DNAI3: variants seen among roughly 807,000 people sequenced by gnomAD.
DNAI3 encodes dynein axonemal intermediate chain 3, also known as WD repeat domain 63.
Under a neutral mutation model 115.5 loss-of-function variants are expected in DNAI3, and 83 were observed. The observed-to-expected ratio is 0.72, with a 90% confidence interval of 0.60 to 0.86. DNAI3 has a LOEUF of 0.86. Among genes scored for constraint, DNAI3 ranks in the 40% least tolerant of loss-of-function variants. The probability of loss-of-function intolerance (pLI) is 0.00; values close to 1 mark genes in which losing one functional copy is unlikely to be tolerated. For missense variants in DNAI3, 1,004 were observed against 1,075.8 expected (o/e 0.93, Z 0.93); for synonymous variants, 320 against 347.0 (o/e 0.92, Z 0.86).
At position 85,124,210 on chromosome 1, in the gene DNAI3, G is replaced by A. The variant is rs1453787103; in HGVS notation, c.2071G>A (p.Val691Ile). The A allele has an allele frequency of 1.2e-6, 2 of 1,613,792 alleles. No individual in the cohort carries two copies. ...TTTCTACAACGACATTATTCTCACG[G>A]TTGGAGGTTGGAACGTGGCCATATG... ...SPFYNDIILTVGGWNVAIWKE... is the reference protein window; with the variant it reads ...SPFYNDIILTIGGWNVAIWKE... The change falls in exon 19 of 23, where the codon GTT becomes ATT. Residue 691 changes from valine (V) to isoleucine (I), a missense_variant. Physicochemically the swap from Val to Ile is conservative, Grantham distance 29. Coordinates refer to ENST00000294664, the MANE Select transcript of DNAI3 (RefSeq NM_145172.5).
chr1:85,071,470 C>T (rs897237126), intron 1 of DNAI3, among the ~76,000 whole-genome samples: 12 of 152,282 alleles, frequency 7.9e-5, no homozygotes, highest in African/African-American at 1.4e-4. Context: ...AGCTCAATTA[C>T]GTTAATTTAA....
chr1:85,121,646 T>C, intron 17 of DNAI3, 105 bp from the exon 18 acceptor site: 1 of 1,017,430 alleles, frequency 9.8e-7, no homozygotes, highest in Non-Finnish European at 1.5e-6. Flanking sequence ...ATTGACTTGT[T>C]GTTTTGCATT....
chr1:85,117,523 T>C (rs1274351836), intron 16 of DNAI3, among the ~76,000 whole-genome samples: 1 of 152,214 alleles, frequency 6.6e-6, no homozygotes, highest in African/African-American at 2.4e-5. Context: ...AGCTATAATA[T>C]AGCACAGTCA....
chr1:85,064,274 A>G (rs1264090963), intron 1 of DNAI3, among the ~76,000 whole-genome samples: 1 of 152,152 alleles, frequency 6.6e-6, no homozygotes, highest in East Asian at 1.9e-4. Flanking sequence ...AGGGCTTGGA[A>G]TTCAGAAGAT....
chr1:85,084,785 G>T, intron 6 of DNAI3, 90 bp downstream of exon 6: 1 of 1,225,704 alleles, frequency 8.2e-7, no homozygotes, highest in Non-Finnish European at 1.1e-6. Context: ...TACTGTGTTT[G>T]CTATGGAGGC....
chr1:85,123,450 G>A (rs1340845946), intron 18 of DNAI3, among the ~76,000 whole-genome samples: 1 of 152,092 alleles, frequency 6.6e-6, no homozygotes, highest in Non-Finnish European at 1.5e-5. Flanking sequence ...GATTGCTGTC[G>A]GGGGTGCCTT....
intron 5 of DNAI3, among the ~76,000 whole-genome samples, chr1:85,084,241 C>G (rs1315791181): frequency 2.3e-5 from 2 of 85,696 alleles, no homozygotes; most frequent in African/African-American, 4.4e-5. Flanking sequence ...ATATATATAT[C>G]AGCAGTGTGT....
rs547962025 is a variant in DNAI3, at chr1:85,132,658, G to C, written c.2533-197G>C. Among the ~76,000 whole-genome samples, 5 of 152,188 alleles carry C rather than the reference G, an allele frequency of 3.3e-5. No individual in the cohort carries two copies. The South Asian group carries it at 6.2e-4, about 19-fold the overall frequency. ...TTGAGAGACAGTGGTTGGGGACCAT[G>C]TTTCCCCCCACTCCCTCCTTTCCCA... is the stretch of plus-strand genomic sequence containing the variant. On this transcript the variant is annotated intron_variant, in intron 22 of 22. Coordinates refer to ENST00000294664, the MANE Select transcript of DNAI3 (RefSeq NM_145172.5).
At chr1:85,066,390 T>C (rs1654097921) in intron 1 of DNAI3, among the ~76,000 whole-genome samples, 1 of 128,632 alleles carries the variant, frequency 7.8e-6, no homozygotes, top group South Asian at 2.7e-4. Flanking sequence ...TGGCATGACC[T>C]CGGCTCACTG....
Position 85,081,264 on chromosome 1 carries a change from C to T in DNAI3, c.134C>T (p.Thr45Ile). The stretch of plus-strand genomic sequence containing the variant: ...CCAGAAATTTATCCTTTAGTATTAA[C>T]CACCAAGACCCAAGAAATATTTAAC... ...GHPEIYPLVL[T>I]TKTQEIFNCR... is the part of the protein sequence containing the mutation. The change falls in exon 4 of 23, where the codon ACC (threonine) becomes ATC (isoleucine). Residue 45 changes from threonine to isoleucine, a missense_variant. Around this residue, in one of 3 missense-constraint regions of DNAI3, gnomAD observed 550 missense variants for 568.1 expected, o/e 0.97. Coordinates refer to ENST00000294664, the MANE Select transcript of DNAI3 (RefSeq NM_145172.5). 6.3e-7 allele frequency: 1 copy of T among 1,597,138 alleles called. No individual in the cohort carries two copies. The highest frequency in any genetic ancestry group is 8.5e-7 in the Non-Finnish European group (1 of 1,175,052).
intron 3 of DNAI3, among the ~76,000 whole-genome samples, chr1:85,073,648 G>T (rs11161518): frequency 6.6e-6 from 1 of 151,986 alleles, no homozygotes; most frequent in African/African-American, 2.4e-5. Flanking sequence ...GAGACAATGA[G>T]GGGGGCAAGG....
chr1:85,081,433 A>G lies in DNAI3; in HGVS notation c.285+18A>G, dbSNP rs1465584078. The G allele has an allele frequency of 4.6e-6, 7 of 1,528,090 alleles. No homozygotes were observed. The African/African-American group carries it at 1.0e-4, about 22-fold the overall frequency. 94.7% of individuals were successfully genotyped at this position (1,528,090 alleles called of 1,614,324 possible). On this transcript the variant is annotated intron_variant, in intron 4 of 22. Transcript: ENST00000294664. Reference sequence around the variant, plus strand: ...TTGTCCAGGTAAGCACAATATCCCTATTTATTTTCAGTCCTACCTCAAGAA... The same window carrying G: ...TTGTCCAGGTAAGCACAATATCCCTGTTTATTTTCAGTCCTACCTCAAGAA...
intron 16 of DNAI3, among the ~76,000 whole-genome samples, chr1:85,116,739 G>A (rs1484747287): frequency 1.3e-5 from 2 of 151,960 alleles, no homozygotes; most frequent in Non-Finnish European, 2.9e-5. Context: ...TTGAAATGTT[G>A]GTTTACACTT....
intron 1 of DNAI3, among the ~76,000 whole-genome samples, chr1:85,069,627 C>T (rs1368471523): frequency 6.6e-6 from 1 of 152,090 alleles, no homozygotes; most frequent in Non-Finnish European, 1.5e-5. Context: ...ACCTCGCGAT[C>T]CACCCACCTC....
chr1:85,071,246 C>T (rs558061251), intron 1 of DNAI3, among the ~76,000 whole-genome samples: 3 of 152,176 alleles, frequency 2.0e-5, no homozygotes, highest in African/African-American at 7.2e-5. Flanking sequence ...TGGCCAGGCT[C>T]CTGCAGTCAC....
At chr1:85,117,925 C>A in intron 17 of DNAI3, 66 bp downstream of exon 17, 2 of 1,541,000 alleles carry the variant, frequency 1.3e-6, no homozygotes, top group South Asian at 1.2e-5. Flanking sequence ...ATTACAATAT[C>A]TACTGTACAT....
chr1:85,125,135 G>T (rs1393905128), intron 19 of DNAI3, among the ~76,000 whole-genome samples: 2 of 152,006 alleles, frequency 1.3e-5, no homozygotes, highest in Admixed American at 1.3e-4. Flanking sequence ...GTGAAGCAAG[G>T]GTGTGGGGGA....
chr1:85,117,157 A>G (rs1655847207), intron 16 of DNAI3, among the ~76,000 whole-genome samples: 3 of 152,170 alleles, frequency 2.0e-5, no homozygotes, highest in African/African-American at 7.2e-5. Context: ...TCAAAAATCT[A>G]GTAAGTTACC....
chr1:85,110,445 C>T (rs569794166), intron 16 of DNAI3, among the ~76,000 whole-genome samples: 97 of 24,888 alleles, frequency 3.9e-3, no homozygotes, highest in African/African-American at 0.015. Context: ...AGCGAGACTC[C>T]ATCTCAAATA....
Sources: gnomAD v4.1 joint callset for allele counts (sites outside exome capture counted in the v4.1 genomes callset) on GRCh38, gnomAD v4.1.1 for gene constraint, gnomAD v4.1.1 regional missense constraint, MANE v1.5 for transcripts, NCBI Gene and HGNC (gene_info 2026-07-23, HGNC 2026-07-21) for gene names.